The following CEP128 variants were observed in gnomAD, a reference collection of about 807,000 sequenced individuals.
CEP128 encodes the protein centrosomal protein 128kDa.
In CEP128, 132 loss-of-function variants were observed where a neutral mutation model predicts 156.7. That is an observed-to-expected ratio of 0.84 (90% confidence interval 0.73 to 0.97). CEP128 has a LOEUF of 0.97. Among genes scored for constraint, CEP128 ranks in the 50% least tolerant of loss-of-function variants. The pLI is 0.00. For missense variants in CEP128, 1,252 were observed against 1,281.9 expected (o/e 0.98, Z 0.36); for synonymous variants, 469 against 448.9 (o/e 1.04, Z -0.57).
chr14:80,637,357 A>G (rs1318526725), intron 19 of CEP128, among the ~76,000 whole-genome samples: 3 of 152,126 alleles, frequency 2.0e-5, no homozygotes, highest in African/African-American at 7.2e-5. Context: ...GAAAATCCTT[A>G]AAAGTAGAAA....
At chr14:80,613,564 C>T (rs1452083436) in intron 19 of CEP128, among the ~76,000 whole-genome samples, 1 of 151,988 alleles carries the variant, frequency 6.6e-6, no homozygotes, top group Non-Finnish European at 1.5e-5. Context: ...CTGCCTCGGC[C>T]TCTCGAAGGG....
chr14:80,572,982 GC>G (rs1200002144), intron 20 of CEP128, among the ~76,000 whole-genome samples: 2 of 152,176 alleles, frequency 1.3e-5, no homozygotes, highest in Non-Finnish European at 2.9e-5. Flanking sequence ...GAGTGCAATG[GC>G]GCGATCTCGG....
intron 19 of CEP128, among the ~76,000 whole-genome samples, chr14:80,647,679 G>A (rs1208574271): frequency 6.6e-6 from 1 of 152,048 alleles, no homozygotes; most frequent in Non-Finnish European, 1.5e-5. Context: ...GAGGTCGTCT[G>A]GTGAATAGCG....
At chr14:80,566,956 A>G (rs950162703) in intron 20 of CEP128, among the ~76,000 whole-genome samples, 3 of 151,862 alleles carry the variant, frequency 2.0e-5, no homozygotes, top group African/African-American at 7.3e-5. Flanking sequence ...ATTTAAAGTG[A>G]TATGTCATGT....
chr14:80,528,656 G>T (rs1889088471), intron 22 of CEP128, among the ~76,000 whole-genome samples: 1 of 152,182 alleles, frequency 6.6e-6, no homozygotes, highest in Non-Finnish European at 1.5e-5. Context: ...TAAATAAGAT[G>T]AGGTCCGTAC....
At chr14:80,594,570 C>T (rs965179276) in intron 19 of CEP128, among the ~76,000 whole-genome samples, 1 of 152,088 alleles carries the variant, frequency 6.6e-6, no homozygotes, top group African/African-American at 2.4e-5. Flanking sequence ...GCAATCTCTC[C>T]ATCTGACAAA....
chr14:80,903,913 T>G (rs1883725246), intron 6 of CEP128, among the ~76,000 whole-genome samples: 1 of 152,078 alleles, frequency 6.6e-6, no homozygotes. Context: ...AGTACAGCCA[T>G]TATGGAAAAC....
chr14:80,890,089 G>T (rs965906690), intron 8 of CEP128, among the ~76,000 whole-genome samples: 3 of 152,112 alleles, frequency 2.0e-5, no homozygotes, highest in Non-Finnish European at 2.9e-5. Context: ...ACCATCTCAC[G>T]CCAGTTAGAA....
At chr14:80,656,370 C>T (rs144771201) in intron 19 of CEP128, among the ~76,000 whole-genome samples, 1,835 of 120,156 alleles carry the variant, frequency 0.015, 41 homozygotes, top group Middle Eastern at 0.038. Context: ...CTAATTCAAG[C>T]GACAGCCCCC....
At chr14:80,940,542 G>A (rs575280123) in intron 1 of CEP128, among the ~76,000 whole-genome samples, 1 of 151,824 alleles carries the variant, frequency 6.6e-6, no homozygotes, top group South Asian at 2.1e-4. Flanking sequence ...AGCCAGGCAT[G>A]GTGGCGAGTG....
intron 7 of CEP128, among the ~76,000 whole-genome samples, chr14:80,899,630 G>C (rs1173334199): frequency 6.6e-6 from 1 of 152,136 alleles, no homozygotes; most frequent in African/African-American, 2.4e-5. Flanking sequence ...GTCGGTCTTT[G>C]TGTCTCTCTC....
intron 6 of CEP128, 46 bp downstream of exon 6, chr14:80,904,767 A>G (rs1264617731): frequency 3.0e-6 from 3 of 1,012,922 alleles, no homozygotes; most frequent in East Asian, 4.7e-5. Context: ...ATACAATAGA[A>G]GCATAAGGAA....
At chr14:80,863,886 A>G (rs1389779389) in intron 8 of CEP128, among the ~76,000 whole-genome samples, 1 of 152,232 alleles carries the variant, frequency 6.6e-6, no homozygotes, top group Non-Finnish European at 1.5e-5. Flanking sequence ...TTATAGCTCA[A>G]TCAAGTTTTA....
At chr14:80,938,571 G>A (rs530860268) in intron 2 of CEP128, among the ~76,000 whole-genome samples, 6 of 152,050 alleles carry the variant, frequency 3.9e-5, no homozygotes, top group East Asian at 1.9e-4. Context: ...CTGCAAGTCC[G>A]CAGTGTGTCT....
chr14:80,951,404 G>T (rs964587271), intron 2 of CEP128, among the ~76,000 whole-genome samples: 2 of 152,016 alleles, frequency 1.3e-5, no homozygotes, highest in African/African-American at 2.4e-5. Context: ...AGTGTTGAAG[G>T]GTTCTTTTAA....
chr14:80,671,876 TG>T (rs1895857353), intron 19 of CEP128, among the ~76,000 whole-genome samples: 1 of 11,566 alleles, frequency 8.6e-5, no homozygotes, highest in Non-Finnish European at 1.7e-4. Flanking sequence ...TATGGGGGGG[TG>T]GGGGGTAGTG....
intron 2 of CEP128, among the ~76,000 whole-genome samples, chr14:80,928,425 A>C (rs1232354306): frequency 6.6e-6 from 1 of 152,214 alleles, no homozygotes; most frequent in Non-Finnish European, 1.5e-5. Context: ...AAAATGTTCT[A>C]AAGAGACAGA....
chr14:80,693,555 A>C (rs1442280414), intron 19 of CEP128, among the ~76,000 whole-genome samples: 1 of 152,198 alleles, frequency 6.6e-6, no homozygotes, highest in Non-Finnish European at 1.5e-5. Flanking sequence ...TGCTTGAAAA[A>C]ATAAGTCATC....
chr14:80,809,100 C>T (rs191641487), intron 13 of CEP128, among the ~76,000 whole-genome samples: 1 of 151,826 alleles, frequency 6.6e-6, no homozygotes, highest in African/African-American at 2.4e-5. Flanking sequence ...AAAAAAATTA[C>T]AAACAAATAA....
Sources: gnomAD v4.1 joint callset for allele counts (sites outside exome capture counted in the v4.1 genomes callset) on GRCh38, gnomAD v4.1.1 for gene constraint, MANE v1.5 for transcripts, NCBI Gene and HGNC (gene_info 2026-07-23, HGNC 2026-07-21) for gene names.